Variants in MLLT10 observed in about 807,000 individuals in gnomAD.
MLLT10 encodes the protein MLLT10 histone lysine methyltransferase DOT1L cofactor.
Under a neutral mutation model 129.1 loss-of-function variants are expected in MLLT10, and 30 were observed. The ratio of observed to expected loss-of-function variants is 0.23; its 90% CI spans 0.17 to 0.32. The LOEUF (loss-of-function observed/expected upper bound fraction) is 0.32. Among genes scored for constraint, MLLT10 ranks in the 10% least tolerant of loss-of-function variants. MLLT10 has a pLI of 1.00. For synonymous variants in MLLT10, 490 were observed against 446.4 expected (o/e 1.10, Z -1.23); for missense variants, 1,119 against 1,268.3 (o/e 0.88, Z 1.79).
intron 13 of MLLT10, among the ~76,000 whole-genome samples, chr10:21,697,099 C>CAAAAAAAAAAA (rs1163740638): frequency 2.4e-5 from 2 of 82,646 alleles, no homozygotes; most frequent in African/African-American, 4.8e-5. Context: ...CTGATTTAAG[C>CAAAAAAAAAAA]AAAAAAAAAA....
intron 8 of MLLT10, among the ~76,000 whole-genome samples, chr10:21,641,527 G>A (rs1036763663): frequency 3.3e-5 from 5 of 152,102 alleles, no homozygotes; most frequent in African/African-American, 4.8e-5. Flanking sequence ...TGTGTGGTGC[G>A]TGCCTATAGT....
At chr10:21,643,494 C>T (rs991129369) in intron 8 of MLLT10, among the ~76,000 whole-genome samples, 2 of 152,074 alleles carry the variant, frequency 1.3e-5, no homozygotes, top group African/African-American at 2.4e-5. Flanking sequence ...GTTCATTGTT[C>T]CTCTTAAATT....
At chr10:21,568,741 A>G (rs950929718) in intron 3 of MLLT10, among the ~76,000 whole-genome samples, 1 of 152,036 alleles carries the variant, frequency 6.6e-6, no homozygotes, top group African/African-American at 2.4e-5. Flanking sequence ...GGGTTCAAGC[A>G]GTTCTCTGCC....
At chr10:21,689,616 T>TACACAC (rs1449363406) in intron 13 of MLLT10, among the ~76,000 whole-genome samples, 53 of 140,750 alleles carry the variant, frequency 3.8e-4, no homozygotes, top group African/African-American at 1.2e-3. Flanking sequence ...TATATATATA[T>TACACAC]ATACACACAC....
intron 21 of MLLT10, among the ~76,000 whole-genome samples, chr10:21,735,461 A>C (rs529198986): frequency 1.3e-5 from 2 of 152,322 alleles, no homozygotes; most frequent in Non-Finnish European, 2.9e-5. Flanking sequence ...AGGCTCTGGT[A>C]ACACAGTGCT....
intron 13 of MLLT10, among the ~76,000 whole-genome samples, chr10:21,685,636 C>T (rs1004323588): frequency 6.6e-6 from 1 of 152,098 alleles, no homozygotes; most frequent in African/African-American, 2.4e-5. Context: ...GCCACCGTGC[C>T]CAGCCTCTTT....
chr10:21,736,182 AG>A (rs934439289), intron 21 of MLLT10, among the ~76,000 whole-genome samples: 4 of 152,140 alleles, frequency 2.6e-5, no homozygotes, highest in African/African-American at 4.8e-5. Flanking sequence ...GGTGTGGGGG[AG>A]TGAAGACAGA....
chr10:21,633,276 C>T (rs2047165311), intron 8 of MLLT10, among the ~76,000 whole-genome samples: 1 of 152,208 alleles, frequency 6.6e-6, no homozygotes, highest in Non-Finnish European at 1.5e-5. Flanking sequence ...ACAGAAAACA[C>T]AGGAGCATCT....
At chr10:21,597,135 C>T (rs1292526301) in intron 5 of MLLT10, among the ~76,000 whole-genome samples, 2 of 151,894 alleles carry the variant, frequency 1.3e-5, no homozygotes, top group Non-Finnish European at 2.9e-5. Context: ...CTCTTCCTTC[C>T]CTAAACCATT....
In MLLT10 at chr10:21,605,486, C is replaced by T. The variant is rs190460787; in HGVS notation, c.406-6862C>T. On this transcript the variant is annotated intron_variant, in intron 5 of 22. Coordinates refer to ENST00000307729, the MANE Select transcript of MLLT10 (RefSeq NM_001195626.3). Reference sequence around the variant, plus strand: ...TTTGAGATAGGGTCTTGCTCTGTCACCCTGTTTGGATTGCAGTGGCACTGT... The same window carrying T: ...TTTGAGATAGGGTCTTGCTCTGTCATCCTGTTTGGATTGCAGTGGCACTGT... Among the ~76,000 whole-genome samples, 4 of 152,098 alleles carry T rather than the reference C, an allele frequency of 2.6e-5. No individual in the cohort carries two copies. In the East Asian group the frequency reaches 7.7e-4, roughly 29 times the overall value.
chr10:21,691,618 T>G (rs2131437214), intron 13 of MLLT10, among the ~76,000 whole-genome samples: 1 of 152,262 alleles, frequency 6.6e-6, no homozygotes, highest in South Asian at 2.1e-4. Flanking sequence ...AGATTAGGTC[T>G]TTTATGGAAC....
At chr10:21,679,368 C>T (rs892526675) in intron 11 of MLLT10, among the ~76,000 whole-genome samples, 2 of 152,134 alleles carry the variant, frequency 1.3e-5, no homozygotes, top group South Asian at 2.1e-4. Flanking sequence ...CTTTCCTCTT[C>T]GCTATTTATC....
chr10:21,648,410 A>AT (rs2048718973), intron 8 of MLLT10, among the ~76,000 whole-genome samples: 1 of 152,000 alleles, frequency 6.6e-6, no homozygotes, highest in Non-Finnish European at 1.5e-5. Flanking sequence ...GTACATGTGT[A>AT]TTTTTTGCCT....
chr10:21,686,982 C>CATAAATAA (rs766607017), intron 13 of MLLT10, among the ~76,000 whole-genome samples: 2 of 152,044 alleles, frequency 1.3e-5, no homozygotes, highest in South Asian at 2.1e-4. Context: ...GACTCTGCTT[C>CATAAATAA]ATAAATAAAT....
chr10:21,593,299 C>T (rs566636742), intron 4 of MLLT10, among the ~76,000 whole-genome samples: 1 of 151,986 alleles, frequency 6.6e-6, no homozygotes, highest in East Asian at 1.9e-4. Context: ...CACTTTGTTG[C>T]CTAGGGTGGT....
chr10:21,613,770 T>C (rs1322384643), intron 6 of MLLT10, among the ~76,000 whole-genome samples: 1 of 152,004 alleles, frequency 6.6e-6, no homozygotes, highest in African/African-American at 2.4e-5. Flanking sequence ...CCGGGCATGG[T>C]GAAGCATGCC....
intron 13 of MLLT10, among the ~76,000 whole-genome samples, chr10:21,686,276 A>T (rs182592548): frequency 2.0e-5 from 3 of 152,320 alleles, no homozygotes; most frequent in Admixed American, 1.3e-4. Context: ...ATTCTTTAAG[A>T]TATTTAAATG....
chr10:21,702,942 G>A (rs1249492299), intron 13 of MLLT10, among the ~76,000 whole-genome samples: 2 of 152,040 alleles, frequency 1.3e-5, no homozygotes, highest in Admixed American at 1.3e-4. Flanking sequence ...ATTGATATGT[G>A]AGGTTTTGTT....
chr10:21,686,018 G>T (rs865830687), intron 13 of MLLT10, among the ~76,000 whole-genome samples: 11 of 152,140 alleles, frequency 7.2e-5, no homozygotes, highest in Admixed American at 3.9e-4. Flanking sequence ...CTAGGAGGAG[G>T]ATATGCTAGT....
Sources: allele counts gnomAD v4.1 joint callset (sites outside exome capture counted in the v4.1 genomes callset), GRCh38; gene constraint gnomAD v4.1.1; transcripts MANE v1.5; gene names NCBI Gene and HGNC (gene_info 2026-07-23, HGNC 2026-07-21).